The following GPR89A variants were observed in gnomAD, a reference collection of about 807,000 sequenced individuals.
The protein encoded by GPR89A is G protein-coupled receptor 89A.
GPR89A carries 16 observed loss-of-function variants against 52.0 expected under a neutral mutation model. The observed-to-expected ratio is 0.31, with a 90% CI of 0.21 to 0.47. The LOEUF is 0.47. GPR89A is among the 20% of genes least tolerant of loss of function. The pLI is 1.00. For missense variants in GPR89A, 135 were observed against 449.4 expected, an observed-to-expected ratio of 0.30 and a Z score of 6.33; for synonymous variants, 55 against 150.9, an observed-to-expected ratio of 0.36 and a Z score of 4.66.
At chr1:145,667,488 T>C (rs1652646731) in intron 12 of GPR89A, among the ~76,000 whole-genome samples, 1 of 152,142 alleles carries the variant, frequency 6.6e-6, no homozygotes, top group Non-Finnish European at 1.5e-5. Flanking sequence ...GTCAGATAAG[T>C]AGATTGCAAA....
Position 145,623,042 on chromosome 1 carries a change from C to T in GPR89A, c.207-12C>T, listed in dbSNP as rs1414563490. Reference sequence around the variant, plus strand: ...TCTTCCTCCCAGTGACAGTCTTTGACATTTATTTCAGCTCCCGTTATTTTC... The same window carrying T: ...TCTTCCTCCCAGTGACAGTCTTTGATATTTATTTCAGCTCCCGTTATTTTC... On this transcript the variant is annotated splice_polypyrimidine_tract_variant and intron_variant, in intron 3 of 13. Transcript: ENST00000313835. The T allele has an allele frequency of 3.1e-6, 5 of 1,604,550 alleles. No individual in the cohort carries two copies. Among genetic ancestry groups the T allele is most frequent in the Non-Finnish European group, 4.3e-6 (5 of 1,174,542 alleles).
At chr1:145,660,379 A>G (rs1386645948) in intron 10 of GPR89A, among the ~76,000 whole-genome samples, 2 of 152,166 alleles carry the variant, frequency 1.3e-5, no homozygotes, top group Non-Finnish European at 2.9e-5. Flanking sequence ...TACCATTCAG[A>G]ACATAGGCAT....
intron 1 of GPR89A, among the ~76,000 whole-genome samples, chr1:145,615,470 G>C (rs1648610369): frequency 6.6e-6 from 1 of 151,260 alleles, no homozygotes; most frequent in Admixed American, 6.6e-5. Context: ...CAGCCTCCCA[G>C]GTGGCTGGGA....
chr1:145,612,952 T>C (rs1387861430), intron 1 of GPR89A, among the ~76,000 whole-genome samples: 1 of 152,188 alleles, frequency 6.6e-6, no homozygotes, highest in Non-Finnish European at 1.5e-5. Flanking sequence ...TACCTCACTA[T>C]TCAAAATTGT....
At chr1:145,622,652 A>G (rs1649219904) in intron 3 of GPR89A, among the ~76,000 whole-genome samples, 1 of 112,962 alleles carries the variant, frequency 8.9e-6, no homozygotes. Flanking sequence ...CAAAAGAAAT[A>G]TTTTTGAGTA....
intron 3 of GPR89A, 70 bp from the exon 4 acceptor site, chr1:145,622,984 G>T: frequency 1.3e-6 from 2 of 1,597,190 alleles, no homozygotes; most frequent in Admixed American, 1.7e-5. Flanking sequence ...AGGACCCTTT[G>T]GAAGACTAAA....
intron 10 of GPR89A, among the ~76,000 whole-genome samples, chr1:145,653,544 A>G (rs1320305806): frequency 2.1e-5 from 3 of 145,554 alleles, no homozygotes; most frequent in Admixed American, 7.0e-5. Context: ...TTCTGTCTCA[A>G]TGATCTGTGT....
chr1:145,660,442 A>G (rs1553695406), intron 10 of GPR89A, among the ~76,000 whole-genome samples: 2 of 152,184 alleles, frequency 1.3e-5, no homozygotes, highest in African/African-American at 4.8e-5. Context: ...AACAAAAGCC[A>G]AAATTGACAA....
intron 7 of GPR89A, among the ~76,000 whole-genome samples, chr1:145,642,915 G>T (rs1225335773): frequency 2.0e-5 from 3 of 151,932 alleles, no homozygotes; most frequent in Admixed American, 6.6e-5. Context: ...TGTACTAGTC[G>T]GTCCTCCACA....
intron 10 of GPR89A, among the ~76,000 whole-genome samples, chr1:145,661,644 T>A (rs1652209507): frequency 6.7e-6 from 1 of 148,228 alleles, no homozygotes; most frequent in East Asian, 2.0e-4. Flanking sequence ...TTTTCTCTCA[T>A]TTTTTGCTAT....
chr1:145,609,247 C>A (rs34125742), intron 1 of GPR89A, among the ~76,000 whole-genome samples: 46 of 152,100 alleles, frequency 3.0e-4, no homozygotes, highest in African/African-American at 2.9e-4. Flanking sequence ...TCTTTGATTC[C>A]GTTTTTGTAT....
At chr1:145,669,594 T>G (rs1652829786) in intron 12 of GPR89A, 31 bp from the exon 13 acceptor site, 2 of 1,610,238 alleles carry the variant, frequency 1.2e-6, no homozygotes, top group East Asian at 4.5e-5. Flanking sequence ...CTAACACTAC[T>G]GCATAAATTC....
At chr1:145,609,597 A>T (rs1553685762) in intron 1 of GPR89A, among the ~76,000 whole-genome samples, 1 of 152,252 alleles carries the variant, frequency 6.6e-6, no homozygotes, top group African/African-American at 2.4e-5. Context: ...ACAATATTTA[A>T]TTAGCTTTTC....
chr1:145,611,474 T>G (rs1343616130), intron 1 of GPR89A: 5 of 152,116 alleles, frequency 3.3e-5, no homozygotes, highest in Non-Finnish European at 7.4e-5. Context: ...TTAATTTGCT[T>G]AGGATGATGG....
chr1:145,667,275 A>G (rs1553696626), intron 12 of GPR89A, among the ~76,000 whole-genome samples: 1 of 152,114 alleles, frequency 6.6e-6, no homozygotes, highest in African/African-American at 2.4e-5. Context: ...AATGATCACC[A>G]TCCTAACTGG....
At chr1:145,626,123 A>C (rs587680592) in intron 5 of GPR89A, among the ~76,000 whole-genome samples, 1 of 150,812 alleles carries the variant, frequency 6.6e-6, no homozygotes, top group Admixed American at 6.6e-5. Context: ...CTGGTAGTAT[A>C]GTTCTCATAT....
intron 7 of GPR89A, among the ~76,000 whole-genome samples, chr1:145,634,084 T>TTG (rs1328993088): frequency 1.6e-4 from 24 of 150,808 alleles, no homozygotes; most frequent in African/African-American, 5.6e-4. Flanking sequence ...CTATTGTGTT[T>TTG]TTTTTTTTTT....
intron 7 of GPR89A, among the ~76,000 whole-genome samples, chr1:145,643,145 AG>A (rs1553691996): frequency 6.7e-6 from 1 of 150,328 alleles, no homozygotes; most frequent in African/African-American, 2.5e-5. Context: ...TAGGTATGTT[AG>A]CTGGTTTTTT....
At chr1:145,632,824 A>G (rs1331465785) in intron 7 of GPR89A, among the ~76,000 whole-genome samples, 1 of 152,056 alleles carries the variant, frequency 6.6e-6, no homozygotes, top group African/African-American at 2.4e-5. Context: ...GAACCTCCAC[A>G]CTATTTTCCA....
Sources: gnomAD v4.1 joint callset for allele counts (sites outside exome capture counted in the v4.1 genomes callset) on GRCh38, gnomAD v4.1.1 for gene constraint, MANE v1.5 for transcripts, NCBI Gene and HGNC (gene_info 2026-07-23, HGNC 2026-07-21) for gene names.